KLHL12: variants seen among roughly 807,000 people sequenced by gnomAD.
KLHL12 encodes the protein kelch-like protein 12.
In KLHL12, 17 loss-of-function variants were observed where a neutral mutation model predicts 60.8. That is an observed-to-expected ratio of 0.28 (90% CI 0.19 to 0.42). The LOEUF (loss-of-function observed/expected upper bound fraction) is 0.42, where lower values mean the gene tolerates loss of function less well. Among genes scored for constraint, KLHL12 ranks in the 10% least tolerant of loss-of-function variants. The pLI is 1.00. For missense variants in KLHL12, 468 were observed against 722.3 expected, an observed-to-expected ratio of 0.65 and a Z score of 4.04; for synonymous variants, 220 against 250.9, an observed-to-expected ratio of 0.88 and a Z score of 1.16.
At chr1:202,908,853 A>G (rs975836250) in intron 6 of KLHL12, among the ~76,000 whole-genome samples, 157 bp downstream of exon 6, 1 of 152,222 alleles carries the variant, frequency 6.6e-6, no homozygotes, top group African/African-American at 2.4e-5. Context: ...TATAGGAAAG[A>G]AAGCTTAGAG....
intron 6 of KLHL12, among the ~76,000 whole-genome samples, chr1:202,898,863 GA>G (rs922177096): frequency 2.0e-5 from 3 of 151,148 alleles, no homozygotes; most frequent in Middle Eastern, 3.4e-3. Flanking sequence ...AAAAATTATG[GA>G]AAAAAAATTA....
chr1:202,910,822 A>C (rs747781506), intron 5 of KLHL12, among the ~76,000 whole-genome samples: 1 of 152,222 alleles, frequency 6.6e-6, no homozygotes, highest in Non-Finnish European at 1.5e-5. Context: ...AACAGACAGC[A>C]AAACACAAAA....
chr1:202,915,426 T>C (rs904754613), intron 4 of KLHL12, among the ~76,000 whole-genome samples: 6 of 152,144 alleles, frequency 3.9e-5, no homozygotes, highest in Non-Finnish European at 8.8e-5. Context: ...TATATGTCAC[T>C]TGCTTTCTTT....
At chr1:202,927,674 T>TAAA (rs748842460), upstream of KLHL12, among the ~76,000 whole-genome samples, 300 of 75,384 alleles carry the variant, frequency 4.0e-3, 3 homozygotes, top group African/African-American at 8.4e-3. Flanking sequence ...TGAGACCCTG[T>TAAA]AAAAAAAAAA....
At chr1:202,903,607 G>A (rs1660085347) in intron 6 of KLHL12, among the ~76,000 whole-genome samples, 2 of 79,410 alleles carry the variant, frequency 2.5e-5, no homozygotes, top group African/African-American at 8.0e-5. Flanking sequence ...CTAGTAGCTG[G>A]GACCACTAAT....
At chr1:202,914,079 A>G (rs1179574326) in intron 4 of KLHL12, among the ~76,000 whole-genome samples, 2 of 152,252 alleles carry the variant, frequency 1.3e-5, no homozygotes, top group African/African-American at 4.8e-5. Flanking sequence ...ATAGAGGAGT[A>G]AAATATGAAG....
chr1:202,900,004 T>A (rs930658598), intron 6 of KLHL12, among the ~76,000 whole-genome samples: 3 of 152,132 alleles, frequency 2.0e-5, no homozygotes, highest in Non-Finnish European at 4.4e-5. Context: ...TCCTTTTTCT[T>A]ACTCCACCTC....
intron 2 of KLHL12, among the ~76,000 whole-genome samples, chr1:202,920,799 C>A (rs988638945): frequency 9.9e-5 from 15 of 152,026 alleles, no homozygotes; most frequent in Non-Finnish European, 1.6e-4. Flanking sequence ...AGTAATTTTG[C>A]CAGTGAATAA....
chr1:202,926,696 C>T (rs750948732), intron 1 of KLHL12, among the ~76,000 whole-genome samples: 23 of 152,178 alleles, frequency 1.5e-4, no homozygotes, highest in Non-Finnish European at 2.6e-4. Flanking sequence ...CTCAGCATAT[C>T]CTTCATCCTC....
chr1:202,918,091 T>G, intron 4 of KLHL12, 80 bp downstream of exon 4: 1 of 991,880 alleles, frequency 1.0e-6, no homozygotes, highest in Non-Finnish European at 1.6e-6. Flanking sequence ...GAAGCCCTGA[T>G]GGTAAGTAAC....
intron 6 of KLHL12, among the ~76,000 whole-genome samples, chr1:202,899,635 G>C (rs2102413959): frequency 7.0e-6 from 1 of 142,862 alleles, no homozygotes. Flanking sequence ...AGACCAGCCT[G>C]TCTAACATGG....
intron 4 of KLHL12, among the ~76,000 whole-genome samples, chr1:202,917,187 T>C (rs1034283392): frequency 6.6e-6 from 1 of 152,120 alleles, no homozygotes; most frequent in Non-Finnish European, 1.5e-5. Flanking sequence ...CTGGCACAGG[T>C]AGTATCCCCC....
intron 6 of KLHL12, among the ~76,000 whole-genome samples, chr1:202,907,700 G>C (rs1422590152): frequency 1.3e-5 from 2 of 150,956 alleles, no homozygotes; most frequent in African/African-American, 4.9e-5. Context: ...GAGTCCAGGA[G>C]TTCAAGACCC....
At chr1:202,916,476 C>T (rs1441200252) in intron 4 of KLHL12, among the ~76,000 whole-genome samples, 4 of 152,188 alleles carry the variant, frequency 2.6e-5, no homozygotes, top group African/African-American at 4.8e-5. Context: ...GAAACTCCGT[C>T]TCTGCTAAAA....
Position 202,893,185 on chromosome 1 carries a change from A to G in KLHL12, c.1580+54T>C, listed in dbSNP as rs1659730272. On this transcript the variant is annotated intron_variant, in intron 11 of 11. Coordinates refer to ENST00000367261, the MANE Select transcript of KLHL12 (RefSeq NM_021633.4). The surrounding 1 kb of genome is among the most constrained non-coding windows in gnomAD (Gnocchi z 4.1). The stretch of plus-strand genomic sequence containing the variant: ...TGTCCAAAAATGAGGATCAGATCAC[A>G]TAGACTCTTGCTCTGGCTACATATT... 2.1e-6 allele frequency: 3 copies of G among 1,426,258 alleles called. No homozygotes were observed. Among genetic ancestry groups the G allele is most frequent in the South Asian group, 1.3e-5 (1 of 74,350 alleles). 88.4% of individuals were successfully genotyped at this position (1,426,258 alleles called of 1,614,324 possible).
upstream of KLHL12, among the ~76,000 whole-genome samples, chr1:202,928,116 T>G (rs1330014335): frequency 6.7e-6 from 1 of 149,400 alleles, no homozygotes; most frequent in Non-Finnish European, 1.5e-5. Flanking sequence ...CCACTAAAAA[T>G]ACAAAAAAAT....
At chr1:202,898,004 C>A (rs900141826) in intron 6 of KLHL12, among the ~76,000 whole-genome samples, 4 of 152,146 alleles carry the variant, frequency 2.6e-5, no homozygotes, top group Non-Finnish European at 4.4e-5. Context: ...TCTATTTTCC[C>A]AAAGAAGCTA....
chr1:202,906,621 T>C (rs868001877), intron 6 of KLHL12, among the ~76,000 whole-genome samples: 2 of 152,052 alleles, frequency 1.3e-5, no homozygotes, highest in Middle Eastern at 3.4e-3. Flanking sequence ...CATGTAAAAA[T>C]GGTTAAGATG....
At chr1:202,906,396 A>C (rs1660190380) in intron 6 of KLHL12, among the ~76,000 whole-genome samples, 1 of 143,156 alleles carries the variant, frequency 7.0e-6, no homozygotes, top group Admixed American at 7.1e-5. Flanking sequence ...CAGAGGTTGC[A>C]GTGAGCAAAG....
Sources: gnomAD v4.1 joint callset for allele counts (sites outside exome capture counted in the v4.1 genomes callset) on GRCh38, gnomAD v4.1.1 for gene constraint, Gnocchi (gnomAD v3.1) non-coding constraint, MANE v1.5 for transcripts, NCBI Gene and HGNC (gene_info 2026-07-23, HGNC 2026-07-21) for gene names.